Variants in NCOR1 observed in about 807,000 individuals in gnomAD.
NCOR1 encodes the protein protein phosphatase 1, regulatory subunit 109.
Under a neutral mutation model 288.1 loss-of-function variants are expected in NCOR1, and 63 were observed. The ratio of observed to expected loss-of-function variants is 0.22; its 90% CI spans 0.18 to 0.27. The LOEUF (loss-of-function observed/expected upper bound fraction) is 0.27, where lower values mean the gene tolerates loss of function less well. Among genes scored for constraint, NCOR1 ranks in the 10% least tolerant of loss-of-function variants. The pLI is 1.00. For missense variants in NCOR1, 2,397 were observed against 3,019.2 expected (o/e 0.79, Z 4.83); for synonymous variants, 1,007 against 1,065.9 (o/e 0.94, Z 1.08).
intron 17 of NCOR1, 82 bp from the exon 18 acceptor site, chr17:16,118,109 A>G (rs1303004074): frequency 3.6e-6 from 5 of 1,403,346 alleles, no homozygotes; most frequent in Non-Finnish European, 4.9e-6. Context: ...TAACTTAATC[A>G]CTGTATTCAC....
intron 9 of NCOR1, among the ~76,000 whole-genome samples, chr17:16,148,678 AAAAAAAAAAAAAC>A (rs1382164669): frequency 6.7e-6 from 1 of 149,608 alleles, no homozygotes; most frequent in African/African-American, 2.4e-5. Flanking sequence ...AAAAAAAAAA[AAAAAAAAAAAAAC>A]AACTCAAGAC....
rs920236082 is a variant in NCOR1 at position 16,087,080 on chromosome 17, G to A, written c.3017-638C>T. 2.7e-5 allele frequency: 25 copies of A among 925,632 alleles called. No individual in the cohort carries two copies. The South Asian group carries it at 3.1e-4, about 12-fold the overall frequency. 57.3% of individuals were successfully genotyped at this position (925,632 alleles called of 1,614,324 possible). A position where few individuals can be genotyped will look rare whatever the true frequency, so the allele number is the denominator to read the frequency against. ...TTCTGAAACAGCAAGGACACGTCCT[G>A]GAAGAGCAGTTCATTCACGAGATTA... On this transcript the variant is annotated intron_variant, in intron 22 of 45. Transcript: ENST00000268712.
At chr17:16,131,050 G>A (rs867451843) in intron 14 of NCOR1, among the ~76,000 whole-genome samples, 25 of 140,124 alleles carry the variant, frequency 1.8e-4, no homozygotes, top group South Asian at 1.4e-3. Context: ...GTGCAGTGGC[G>A]TGATCACGGA....
At chr17:16,053,457 T>A (rs1597908667) in intron 40 of NCOR1, among the ~76,000 whole-genome samples, 1 of 151,716 alleles carries the variant, frequency 6.6e-6, no homozygotes, top group East Asian at 1.9e-4. Context: ...ACAAAAATAA[T>A]AAAATACCTA....
At chr17:16,148,688 A>AAAAAAAAAC (rs2078395246) in intron 9 of NCOR1, among the ~76,000 whole-genome samples, 1 of 150,166 alleles carries the variant, frequency 6.7e-6, no homozygotes, top group African/African-American at 2.4e-5. Flanking sequence ...AAAAAAAAAA[A>AAAAAAAAAC]AACAACTCAA....
chr17:16,111,750 C>A (rs2070257462), intron 18 of NCOR1, among the ~76,000 whole-genome samples: 3 of 152,206 alleles, frequency 2.0e-5, no homozygotes, highest in African/African-American at 4.8e-5. Context: ...CAACCCTCCA[C>A]AATCACAGGA....
intron 1 of NCOR1, among the ~76,000 whole-genome samples, chr17:16,213,489 C>CAAAAAAAAAAAAAAAAAAAAAAAA (rs537795184): frequency 1.3e-5 from 1 of 78,130 alleles, no homozygotes; most frequent in Non-Finnish European, 2.5e-5. Flanking sequence ...AAGACTGTCT[C>CAAAAAAAAAAAAAAAAAAAAAAAA]AAAAAAAAAA....
intron 40 of NCOR1, among the ~76,000 whole-genome samples, chr17:16,054,719 C>T (rs2059716360): frequency 6.6e-6 from 1 of 152,078 alleles, no homozygotes; most frequent in Admixed American, 6.6e-5. Flanking sequence ...CAGCTGAGGT[C>T]AGGAGTTCGA....
Position 16,186,653 on chromosome 17 carries a change from A to G in NCOR1, c.143T>C (p.Leu48Pro). The change falls in exon 3 of 46, where the codon CTT (leucine) becomes CCT (proline). Residue 48 changes from leucine (L) to proline (P), a missense_variant. By Grantham distance (98) the Leu-to-Pro change is moderately conservative. Coordinates refer to ENST00000268712, the MANE Select transcript of NCOR1 (RefSeq NM_006311.4). ...FAVPDYRSSH[L>P]EVSQASQLLQ... Reference sequence around the variant, plus strand: ...AAGCTGTGATGCCTGACTCACTTCAAGATGAGAGGAACGATAATCAGGGAC... The same window carrying G: ...AAGCTGTGATGCCTGACTCACTTCAGGATGAGAGGAACGATAATCAGGGAC... The G allele has an allele frequency of 6.2e-7, 1 of 1,613,978 alleles. No individual in the cohort carries two copies. The highest frequency in any genetic ancestry group is 1.1e-5 in the South Asian group (1 of 91,054).
rs1015937332 is a variant in NCOR1 at position 16,175,901 on chromosome 17, T to C, written c.243-3906A>G. Among the ~76,000 whole-genome samples the C allele has an allele frequency of 9.2e-5, 14 of 151,986 alleles. 1 individual carries two copies. The East Asian group carries it at 2.3e-3, about 25-fold the overall frequency. On this transcript the variant is annotated intron_variant, in intron 3 of 45. Transcript: ENST00000268712. ...TCCTCTTACCATGGCATCCATTCTT[T>C]GTTTGGCTGGATTCGGTCATCAAGA...
chr17:16,165,187 C>T, intron 4 of NCOR1, 26 bp from the exon 5 acceptor site: 1 of 1,563,164 alleles, frequency 6.4e-7, no homozygotes, highest in Non-Finnish European at 8.6e-7. Context: ...CCAAGAAAAA[C>T]AATTTATTTC....
At chr17:16,086,555 G>A in intron 22 of NCOR1, 113 bp from the exon 23 acceptor site, 5 of 918,718 alleles carry the variant, frequency 5.4e-6, no homozygotes, top group Non-Finnish European at 8.0e-6. Context: ...AATGTAAGAT[G>A]AAACCAACAA....
chr17:16,112,547 G>A (rs549309439), intron 18 of NCOR1, among the ~76,000 whole-genome samples: 1 of 152,256 alleles, frequency 6.6e-6, no homozygotes, highest in East Asian at 1.9e-4. Flanking sequence ...CCCGGCTGGA[G>A]TACAGTGGCG....
intron 1 of NCOR1, among the ~76,000 whole-genome samples, chr17:16,203,581 T>C (rs1300569448): frequency 2.6e-5 from 4 of 152,208 alleles, no homozygotes; most frequent in Non-Finnish European, 4.4e-5. Context: ...TTTGTTCCTT[T>C]ATAGGTTTAT....
intron 32 of NCOR1, 67 bp downstream of exon 32, chr17:16,067,827 G>C (rs1374762103): frequency 2.1e-6 from 3 of 1,423,900 alleles, no homozygotes; most frequent in Non-Finnish European, 2.9e-6. Flanking sequence ...TACAACAACA[G>C]AAAGCTGAAA....
At chr17:16,163,554 A>C (rs1415794857) in intron 5 of NCOR1, among the ~76,000 whole-genome samples, 1 of 152,254 alleles carries the variant, frequency 6.6e-6, no homozygotes, top group Non-Finnish European at 1.5e-5. Flanking sequence ...GAACCTCCAT[A>C]TACTGCTGGT....
intron 6 of NCOR1, among the ~76,000 whole-genome samples, chr17:16,157,415 T>C (rs1002219741): frequency 1.3e-5 from 2 of 152,242 alleles, no homozygotes; most frequent in Non-Finnish European, 2.9e-5. Context: ...AGTTATCTAC[T>C]TGATACATGT....
rs529506395 is a variant in NCOR1 at position 16,198,970 on chromosome 17, G to T, written c.-70-4331C>A. 5.9e-5 allele frequency among the ~76,000 whole-genome samples: 9 copies of T among 151,904 alleles called. No individual in the cohort carries two copies. In the East Asian group the frequency reaches 1.7e-3, roughly 29 times the overall value. On this transcript the variant is annotated intron_variant, in intron 1 of 45. Transcript: ENST00000268712. ...GCCTAAATGATTAGAAACCCATGAG[G>T]TACAATTTTTTAATGCACATTGTTT...
chr17:16,043,297 A>G (rs1340784931), intron 42 of NCOR1, among the ~76,000 whole-genome samples: 1 of 152,198 alleles, frequency 6.6e-6, no homozygotes, highest in Non-Finnish European at 1.5e-5. Context: ...GATGGCTTTC[A>G]TTTAGTTCTA....
Sources: gnomAD v4.1 joint callset for allele counts (sites outside exome capture counted in the v4.1 genomes callset) on GRCh38, gnomAD v4.1.1 for gene constraint, MANE v1.5 for transcripts, NCBI Gene and HGNC (gene_info 2026-07-23, HGNC 2026-07-21) for gene names.